SLC5A4: variants seen among roughly 807,000 people sequenced by gnomAD.
SLC5A4 encodes the protein probable glucose sensor protein SLC5A4.
Under a neutral mutation model 70.3 loss-of-function variants are expected in SLC5A4, and 55 were observed. That is an observed-to-expected ratio of 0.78 (90% CI 0.63 to 0.98). The LOEUF is 0.98. SLC5A4 is among the 50% of genes least tolerant of loss of function. SLC5A4 has a pLI of 0.00. For missense variants in SLC5A4, 735 were observed against 839.2 expected, an observed-to-expected ratio of 0.88 and a Z score of 1.53; for synonymous variants, 268 against 305.7, an observed-to-expected ratio of 0.88 and a Z score of 1.29.
At chr22:32,329,620 T>TGTGTGTGTTGGAGGGCTCTGGG in the SLC5A4 span, among the ~76,000 whole-genome samples, 1 of 88,156 alleles carries the variant, frequency 1.1e-5, no homozygotes. Context: ...TTGGCTCTGG[T>TGTGTGTGTTGGAGGGCTCTGGG]GTGTGTGTTG....
the SLC5A4 span, chr22:32,271,006 G>A: frequency 6.7e-4 from 353 of 530,498 alleles, no homozygotes; most frequent in Non-Finnish European, 7.1e-4. Flanking sequence ...GCCTGGGCTC[G>A]GAGACTAGCC....
the SLC5A4 span, among the ~76,000 whole-genome samples, chr22:32,291,493 A>C: frequency 6.6e-6 from 1 of 152,044 alleles, no homozygotes; most frequent in South Asian, 2.1e-4. Context: ...TTCTATTTTT[A>C]ATTTGTGAGA....
intron 6 of SLC5A4, among the ~76,000 whole-genome samples, chr22:32,238,306 C>T (rs901103757): frequency 1.3e-5 from 2 of 152,108 alleles, no homozygotes; most frequent in Admixed American, 6.6e-5. Context: ...TCACTATTCC[C>T]GAAGAAACTC....
chr22:32,307,213 CA>C, the SLC5A4 span, among the ~76,000 whole-genome samples: 43 of 152,246 alleles, frequency 2.8e-4, no homozygotes, highest in South Asian at 8.3e-3. Context: ...CTGTTAAGGG[CA>C]AATCTGTCAG....
chr22:32,306,242 G>C, the SLC5A4 span, among the ~76,000 whole-genome samples: 1 of 152,162 alleles, frequency 6.6e-6, no homozygotes, highest in African/African-American at 2.4e-5. Flanking sequence ...GAGGCAGGCA[G>C]ATCACGAGGT....
chr22:32,325,510 A>G, the SLC5A4 span, among the ~76,000 whole-genome samples: 2 of 152,246 alleles, frequency 1.3e-5, no homozygotes, highest in Non-Finnish European at 2.9e-5. Flanking sequence ...CTGTCGCGGC[A>G]CAAGATGCTC....
chr22:32,315,794 T>TAAAA, the SLC5A4 span, among the ~76,000 whole-genome samples: 2 of 95,914 alleles, frequency 2.1e-5, no homozygotes, highest in African/African-American at 7.6e-5. Context: ...CACACTTGCT[T>TAAAA]AAAAAAAAAA....
chr22:32,314,059 C>T, the SLC5A4 span, among the ~76,000 whole-genome samples: 15 of 152,186 alleles, frequency 9.9e-5, no homozygotes, highest in South Asian at 1.9e-3. Flanking sequence ...GGAGTGGCTC[C>T]GACAAAGCCA....
At chr22:32,330,961 TG>T in the SLC5A4 span, among the ~76,000 whole-genome samples, 2 of 4,928 alleles carry the variant, frequency 4.1e-4, no homozygotes, top group Non-Finnish European at 9.0e-4. Flanking sequence ...GGTGTGTGTG[TG>T]TTGGGGGCAC....
the SLC5A4 span, among the ~76,000 whole-genome samples, chr22:32,324,279 AC>A: frequency 8.4e-6 from 1 of 118,832 alleles, no homozygotes; most frequent in Admixed American, 9.2e-5. Context: ...ATATATATAT[AC>A]ACACATATAT....
In SLC5A4 at chr22:32,251,752, GC is replaced by G; in HGVS notation, c.312+17del. 1 of 1,454,618 alleles carries G rather than the reference GC, an allele frequency of 6.9e-7. No individual in the cohort carries two copies. The highest frequency in any genetic ancestry group is 9.7e-7 in the Non-Finnish European group (1 of 1,034,304). 90.1% of individuals were successfully genotyped at this position (1,454,618 alleles called of 1,614,324 possible). ...ATATGGTTTTGATTTGAAGGAAAAAGCCTATGATGTCACTTACAGTCCATTC... is the reference window on the plus strand; with the variant it reads ...ATATGGTTTTGATTTGAAGGAAAAAGCTATGATGTCACTTACAGTCCATTC... On this transcript the variant is annotated intron_variant, in intron 3 of 14. Transcript: ENST00000266086.
chr22:32,326,193 C>T, the SLC5A4 span, among the ~76,000 whole-genome samples: 1 of 152,180 alleles, frequency 6.6e-6, no homozygotes, highest in African/African-American at 2.4e-5. Flanking sequence ...ACAATGTGTT[C>T]CCCAGCAGCG....
At chr22:32,341,992 A>C in the SLC5A4 span, among the ~76,000 whole-genome samples, 2 of 152,204 alleles carry the variant, frequency 1.3e-5, no homozygotes, top group Non-Finnish European at 2.9e-5. Flanking sequence ...TTACAAAAGC[A>C]TTTTATTTTC....
the SLC5A4 span, among the ~76,000 whole-genome samples, chr22:32,294,842 G>C: frequency 1.2e-5 from 1 of 83,520 alleles, no homozygotes; most frequent in African/African-American, 4.7e-5. Flanking sequence ...AGTCCCCAGA[G>C]TGTGATATTC....
At chr22:32,335,907 G>T in the SLC5A4 span, among the ~76,000 whole-genome samples, 3 of 152,236 alleles carry the variant, frequency 2.0e-5, no homozygotes, top group Admixed American at 2.0e-4. Context: ...CCACGGGCAA[G>T]CCTCGGTTTC....
chr22:32,346,149 T>G, the SLC5A4 span, among the ~76,000 whole-genome samples: 2 of 152,202 alleles, frequency 1.3e-5, no homozygotes, highest in East Asian at 3.8e-4. Context: ...GGCTGCGGCT[T>G]ACAATACTGA....
chr22:32,321,000 G>GT, the SLC5A4 span, among the ~76,000 whole-genome samples: 1 of 152,164 alleles, frequency 6.6e-6, no homozygotes, highest in Admixed American at 6.5e-5. Context: ...TTTAAGAAAC[G>GT]TTTAAGGCCG....
At chr22:32,331,119 T>TC in the SLC5A4 span, among the ~76,000 whole-genome samples, 1 of 53,160 alleles carries the variant, frequency 1.9e-5, no homozygotes, top group Admixed American at 2.3e-4. Flanking sequence ...TTGTGTGTGT[T>TC]CGAGGCTCTG....
the SLC5A4 span, among the ~76,000 whole-genome samples, chr22:32,292,417 A>ATG: frequency 6.8e-5 from 10 of 147,540 alleles, no homozygotes; most frequent in African/African-American, 1.0e-4. Context: ...TTTCTAGTGT[A>ATG]TGTGTGTGTG....
Sources: allele counts gnomAD v4.1 joint callset (sites outside exome capture counted in the v4.1 genomes callset), GRCh38; gene constraint gnomAD v4.1.1; transcripts MANE v1.5; gene names NCBI Gene and HGNC (gene_info 2026-07-23, HGNC 2026-07-21).